GPC6: variants seen among roughly 807,000 people sequenced by gnomAD.
The protein encoded by GPC6 is glypican-6.
In GPC6, 14 loss-of-function variants were observed where a neutral mutation model predicts 55.2. That is an observed-to-expected ratio of 0.25 (90% CI 0.17 to 0.40). GPC6 has a LOEUF of 0.40. Among genes scored for constraint, GPC6 ranks in the 10% least tolerant of loss-of-function variants. The probability of loss-of-function intolerance (pLI) is 1.00; values close to 1 mark genes in which losing one functional copy is unlikely to be tolerated. For missense variants in GPC6, 641 were observed against 708.5 expected, an observed-to-expected ratio of 0.90 and a Z score of 1.08; for synonymous variants, 278 against 259.6, an observed-to-expected ratio of 1.07 and a Z score of -0.68.
rs189682145 is a variant in GPC6 at position 93,457,498 on chromosome 13, A to G, written c.161-87765A>G. On this transcript the variant is annotated intron_variant, in intron 1 of 8. Coordinates refer to ENST00000377047, the MANE Select transcript of GPC6 (RefSeq NM_005708.5). ...TCCAGTGTCTTAGAACCACAAAGGT[A>G]TGTTTCTTTCTTAAATTTCAGTGGG... Among the ~76,000 whole-genome samples, 134 of 152,294 alleles carry G rather than the reference A, an allele frequency of 8.8e-4. 2 individuals are homozygous for G. Among genetic ancestry groups the G allele is most frequent in the Admixed American group, 2.7e-3 (42 of 15,288 alleles).
intron 3 of GPC6, among the ~76,000 whole-genome samples, chr13:93,957,731 A>T (rs79559565): frequency 0.015 from 2,336 of 152,306 alleles, 70 homozygotes; most frequent in East Asian, 0.12. Flanking sequence ...TCCTTTGAGT[A>T]TATACACAGT....
Position 93,830,318 on chromosome 13 carries a change from A to G in GPC6, c.484A>G (p.Asn162Asp). The G allele has an allele frequency of 1.2e-6, 2 of 1,614,076 alleles. No homozygotes were observed. Among genetic ancestry groups the G allele is most frequent in the Non-Finnish European group, 1.7e-6 (2 of 1,179,982 alleles). Residue 162 changes from asparagine (N) to aspartate (D), a missense_variant, in exon 3 of 9, where the codon AAT becomes GAT. Coordinates refer to ENST00000377047, the MANE Select transcript of GPC6 (RefSeq NM_005708.5). ...GGNVNLEEMLNDFWARLLERM... is the reference protein window; with the variant it reads ...GGNVNLEEMLDDFWARLLERM... ...TAATGTGAATCTGGAGGAAATGCTC[A>G]ATGACTTTTGGGCTCGGCTCCTGGA...
At chr13:94,193,199 T>A (rs1186190348) in intron 4 of GPC6, among the ~76,000 whole-genome samples, 2 of 152,136 alleles carry the variant, frequency 1.3e-5, no homozygotes, top group Non-Finnish European at 2.9e-5. Context: ...GGTTAGCAGA[T>A]CTGCTACTGT....
At chr13:93,699,157 T>C (rs1185630841) in intron 2 of GPC6, among the ~76,000 whole-genome samples, 1 of 152,098 alleles carries the variant, frequency 6.6e-6, no homozygotes, top group Non-Finnish European at 1.5e-5. Context: ...CCACATACTT[T>C]CCTATGCATG....
chr13:93,502,082 C>G (rs922015425), intron 1 of GPC6, among the ~76,000 whole-genome samples: 2 of 152,068 alleles, frequency 1.3e-5, no homozygotes. Flanking sequence ...TTAAAATCTT[C>G]AGGCTTTCTG....
At chr13:93,949,706 T>C (rs1184531851) in intron 3 of GPC6, among the ~76,000 whole-genome samples, 1 of 152,158 alleles carries the variant, frequency 6.6e-6, no homozygotes, top group Admixed American at 6.5e-5. Flanking sequence ...GGAATTGTTT[T>C]CATTATTTTT....
chr13:93,995,796 G>C (rs1396420903), intron 3 of GPC6, among the ~76,000 whole-genome samples: 1 of 152,052 alleles, frequency 6.6e-6, no homozygotes, highest in African/African-American at 2.4e-5. Flanking sequence ...CTTGACAATA[G>C]CACTGGGGAT....
At chr13:94,251,171 C>A (rs889689768) in intron 4 of GPC6, among the ~76,000 whole-genome samples, 1 of 151,848 alleles carries the variant, frequency 6.6e-6, no homozygotes, top group Non-Finnish European at 1.5e-5. Flanking sequence ...ATGGATGAAA[C>A]CAAAAGCCAT....
At chr13:94,044,265 G>T (rs1291220798) in intron 4 of GPC6, among the ~76,000 whole-genome samples, 1 of 151,760 alleles carries the variant, frequency 6.6e-6, no homozygotes, top group Non-Finnish European at 1.5e-5. Context: ...TTTCTTACAA[G>T]AAGGGTAGCA....
chr13:94,112,101 A>AT (rs1886269044), intron 4 of GPC6, among the ~76,000 whole-genome samples: 1 of 152,182 alleles, frequency 6.6e-6, no homozygotes, highest in African/African-American at 2.4e-5. Flanking sequence ...AGGTAAATAT[A>AT]TTCACTAGAC....
chr13:93,978,061 A>C (rs1880604045), intron 3 of GPC6, among the ~76,000 whole-genome samples: 1 of 152,200 alleles, frequency 6.6e-6, no homozygotes, highest in African/African-American at 2.4e-5. Flanking sequence ...AGAGTCCTTA[A>C]AAATGGAAGA....
chr13:94,260,187 C>G (rs947125653), intron 4 of GPC6, among the ~76,000 whole-genome samples: 4 of 152,120 alleles, frequency 2.6e-5, no homozygotes, highest in Admixed American at 2.0e-4. Context: ...ATGGTCTGGT[C>G]TTTATTGCTG....
chr13:94,232,403 C>T (rs1348452384), intron 4 of GPC6, among the ~76,000 whole-genome samples: 2 of 152,160 alleles, frequency 1.3e-5, no homozygotes, highest in Admixed American at 1.3e-4. Context: ...CACACACTGG[C>T]ACTGACAGAA....
intron 1 of GPC6, among the ~76,000 whole-genome samples, chr13:93,290,787 C>G (rs1017615259): frequency 6.6e-6 from 1 of 152,050 alleles, no homozygotes; most frequent in Non-Finnish European, 1.5e-5. Context: ...TATCTCTATA[C>G]ATGATATGGT....
At chr13:93,673,761 A>G (rs190895607) in intron 2 of GPC6, among the ~76,000 whole-genome samples, 22 of 152,338 alleles carry the variant, frequency 1.4e-4, no homozygotes, top group African/African-American at 4.3e-4. Context: ...ATGGAAAGAT[A>G]TAACAAAACA....
chr13:93,799,192 T>C (rs1157805075), intron 2 of GPC6, among the ~76,000 whole-genome samples: 1 of 152,126 alleles, frequency 6.6e-6, no homozygotes, highest in Non-Finnish European at 1.5e-5. Flanking sequence ...CTCCAGTTCT[T>C]GAAGTTTAGT....
chr13:93,290,532 T>C (rs1349751676), intron 1 of GPC6, among the ~76,000 whole-genome samples: 1 of 152,192 alleles, frequency 6.6e-6, no homozygotes, highest in Admixed American at 6.5e-5. Context: ...CAGGAAATTT[T>C]ATACAAATAA....
chr13:94,172,247 A>T (rs1246461618), intron 4 of GPC6, among the ~76,000 whole-genome samples: 1 of 151,914 alleles, frequency 6.6e-6, no homozygotes. Context: ...TTTTTTTCCC[A>T]AATAAAAATG....
rs550039913 is a variant in GPC6, at chr13:93,243,020, A to G, written c.160+15404A>G. ...TGCTACTACAGGTTGGGACCGGGGG[A>G]ACAGGAAGGGACCCTGTTCGAGATG... On this transcript the variant is annotated intron_variant, in intron 1 of 8. Coordinates refer to ENST00000377047, the MANE Select transcript of GPC6 (RefSeq NM_005708.5). 1.4e-4 allele frequency among the ~76,000 whole-genome samples: 22 copies of G among 152,200 alleles called. No homozygotes were observed. In the South Asian group the frequency reaches 3.7e-3, roughly 26 times the overall value.
Sources: allele counts gnomAD v4.1 joint callset (sites outside exome capture counted in the v4.1 genomes callset), GRCh38; gene constraint gnomAD v4.1.1; transcripts MANE v1.5; gene names NCBI Gene and HGNC (gene_info 2026-07-23, HGNC 2026-07-21).